The following MAGI3 variants were observed in gnomAD, a reference collection of about 807,000 sequenced individuals.
MAGI3 encodes membrane associated guanylate kinase, WW and PDZ domain containing 3, also known as membrane-associated guanylate kinase, WW and PDZ domain-containing protein 3.
In MAGI3, 43 loss-of-function variants were observed where a neutral mutation model predicts 121.8. The observed-to-expected ratio is 0.35, with a 90% CI of 0.28 to 0.46. MAGI3 has a LOEUF of 0.46. Among genes scored for constraint, MAGI3 ranks in the 20% least tolerant of loss-of-function variants. The pLI is 1.00. For missense variants in MAGI3, 1,547 were observed against 1,797.3 expected (o/e 0.86, Z 2.52); for synonymous variants, 553 against 639.3 (o/e 0.86, Z 2.04).
At chr1:113,613,628 G>A (rs1650293406) in intron 6 of MAGI3, among the ~76,000 whole-genome samples, 1 of 152,148 alleles carries the variant, frequency 6.6e-6, no homozygotes, top group South Asian at 2.1e-4. Flanking sequence ...CAGCAGAGCA[G>A]AAGCATTCTT....
chr1:113,523,370 GAGCTC>G (rs1163878317), intron 1 of MAGI3, among the ~76,000 whole-genome samples: 2 of 152,210 alleles, frequency 1.3e-5, no homozygotes, highest in Non-Finnish European at 2.9e-5. Context: ...ACAGTTTGGA[GAGCTC>G]AGAAGAAGAC....
chr1:113,435,920 T>G (rs1035022871), intron 1 of MAGI3, among the ~76,000 whole-genome samples: 1 of 152,158 alleles, frequency 6.6e-6, no homozygotes, highest in African/African-American at 2.4e-5. Flanking sequence ...TGAAAGATTT[T>G]TAAAGGTACT....
intron 1 of MAGI3, among the ~76,000 whole-genome samples, chr1:113,490,059 A>G (rs1656593025): frequency 6.6e-6 from 1 of 152,138 alleles, no homozygotes; most frequent in Non-Finnish European, 1.5e-5. Flanking sequence ...AATACTTCAC[A>G]AAGAAGATCA....
At chr1:113,657,500 T>C (rs1464290560) in intron 15 of MAGI3, among the ~76,000 whole-genome samples, 1 of 152,222 alleles carries the variant, frequency 6.6e-6, no homozygotes, top group African/African-American at 2.4e-5. Flanking sequence ...ATTTCAGAGA[T>C]TAATTCTATT....
intron 1 of MAGI3, among the ~76,000 whole-genome samples, chr1:113,396,194 A>G (rs1651107731): frequency 6.6e-6 from 1 of 150,910 alleles, no homozygotes; most frequent in Non-Finnish European, 1.5e-5. Context: ...TTTTGGGGGG[A>G]CTTAGTGTTT....
chr1:113,583,262 A>G (rs1002371794), intron 3 of MAGI3, among the ~76,000 whole-genome samples: 5 of 151,902 alleles, frequency 3.3e-5, no homozygotes, highest in South Asian at 2.1e-4. Context: ...CATCATTTAC[A>G]TTAGGTATAT....
intron 2 of MAGI3, among the ~76,000 whole-genome samples, chr1:113,550,996 C>T (rs1371746891): frequency 6.7e-6 from 1 of 150,042 alleles, no homozygotes; most frequent in East Asian, 1.9e-4. Context: ...AGGAAAGGGA[C>T]TCTCTCTTAC....
intron 6 of MAGI3, among the ~76,000 whole-genome samples, chr1:113,601,556 A>C (rs1489701171): frequency 7.4e-5 from 11 of 149,638 alleles, no homozygotes; most frequent in East Asian, 1.9e-4. Context: ...GGCAATCATT[A>C]AAAAGTCAGG....
chr1:113,446,132 AT>A (rs368701883), intron 1 of MAGI3, among the ~76,000 whole-genome samples: 126 of 152,108 alleles, frequency 8.3e-4, no homozygotes, highest in East Asian at 3.1e-3. Context: ...GTAACTCCAC[AT>A]TTTTTTTCTA....
At chr1:113,570,598 A>C (rs1338288309) in intron 2 of MAGI3, among the ~76,000 whole-genome samples, 1 of 152,084 alleles carries the variant, frequency 6.6e-6, no homozygotes, top group Non-Finnish European at 1.5e-5. Flanking sequence ...CTGATGTGAG[A>C]TGGTGTCTTG....
chr1:113,664,086 T>C (rs1234783241), intron 16 of MAGI3, among the ~76,000 whole-genome samples: 2 of 152,250 alleles, frequency 1.3e-5, no homozygotes, highest in African/African-American at 4.8e-5. Context: ...GTTTTCTGAA[T>C]ACTAGACCTT....
intron 2 of MAGI3, among the ~76,000 whole-genome samples, chr1:113,549,952 C>T (rs892052275): frequency 2.0e-5 from 3 of 150,492 alleles, no homozygotes; most frequent in Non-Finnish European, 3.0e-5. Context: ...CTCATCTCTA[C>T]TAAAAATAAA....
At chr1:113,394,013 A>G (rs543279836) in intron 1 of MAGI3, among the ~76,000 whole-genome samples, 1 of 152,304 alleles carries the variant, frequency 6.6e-6, no homozygotes, top group African/African-American at 2.4e-5. Context: ...TCTTCTGACA[A>G]AGTCCATGGC....
chr1:113,578,447 T>A (rs1018775473), intron 2 of MAGI3, among the ~76,000 whole-genome samples: 2 of 152,026 alleles, frequency 1.3e-5, no homozygotes, highest in Non-Finnish European at 2.9e-5. Flanking sequence ...TCTCACTCTG[T>A]CGTCAAGGCT....
chr1:113,397,313 A>G (rs1553180633), intron 1 of MAGI3, among the ~76,000 whole-genome samples: 1 of 152,166 alleles, frequency 6.6e-6, no homozygotes, highest in Non-Finnish European at 1.5e-5. Flanking sequence ...TCTTTTTAAT[A>G]TCTTGGTAGG....
At chr1:113,434,810 T>C (rs1021066691) in intron 1 of MAGI3, among the ~76,000 whole-genome samples, 2 of 152,256 alleles carry the variant, frequency 1.3e-5, no homozygotes, top group Non-Finnish European at 2.9e-5. Flanking sequence ...AGGAAGGTTC[T>C]TGCATTCATG....
chr1:113,512,794 G>A (rs960387790), intron 1 of MAGI3, among the ~76,000 whole-genome samples: 1 of 152,106 alleles, frequency 6.6e-6, no homozygotes, highest in Non-Finnish European at 1.5e-5. Flanking sequence ...GGCAGGAGAA[G>A]GAAATAAAGG....
intron 2 of MAGI3, among the ~76,000 whole-genome samples, chr1:113,567,486 C>T (rs540850416): frequency 6.6e-6 from 1 of 152,096 alleles, no homozygotes; most frequent in South Asian, 2.1e-4. Context: ...AGGCCAATAT[C>T]CCTGATGGAT....
chr1:113,454,404 G>T (rs1260829014), intron 1 of MAGI3, among the ~76,000 whole-genome samples: 2 of 152,130 alleles, frequency 1.3e-5, no homozygotes, highest in African/African-American at 4.8e-5. Context: ...TCACTTAGTA[G>T]CTGTGTGACC....
Sources: gnomAD v4.1 joint callset for allele counts (sites outside exome capture counted in the v4.1 genomes callset) on GRCh38, gnomAD v4.1.1 for gene constraint, MANE v1.5 for transcripts, NCBI Gene and HGNC (gene_info 2026-07-23, HGNC 2026-07-21) for gene names.